The following SLC9A4 variants were observed in gnomAD, a reference collection of about 807,000 sequenced individuals.
SLC9A4 encodes solute carrier family 9 member A4.
Under a neutral mutation model 67.4 loss-of-function variants are expected in SLC9A4, and 63 were observed. The ratio of observed to expected loss-of-function variants is 0.93; its 90% CI spans 0.76 to 1.15. The LOEUF is 1.15. SLC9A4 is among the 50% of genes most tolerant of loss of function. The pLI is 0.00. For missense variants in SLC9A4, 1,089 were observed against 987.7 expected (o/e 1.10, Z -1.38); for synonymous variants, 393 against 367.2 (o/e 1.07, Z -0.80).
chr2:102,474,094 G>A, intron 1 of SLC9A4, 79 bp downstream of exon 1: 1 of 1,500,520 alleles, frequency 6.7e-7, no homozygotes, highest in Non-Finnish European at 9.0e-7. Context: ...ATAGATAACG[G>A]GCTAAGAGGA....
intron 1 of SLC9A4, among the ~76,000 whole-genome samples, chr2:102,475,982 G>T (rs1468790): frequency 1.2e-4 from 18 of 151,940 alleles, no homozygotes; most frequent in Admixed American, 3.3e-4. Flanking sequence ...ATTCCATCAA[G>T]GTACATTTTC....
rs140584193 is a variant in SLC9A4, at chr2:102,485,251, C to A, written c.720+5949C>A. Among the ~76,000 whole-genome samples, 1,439 of 152,266 alleles carry A rather than the reference C, an allele frequency of 9.5e-3. 19 individuals are homozygous for A. The highest frequency in any genetic ancestry group is 0.033 in the African/African-American group (1,364 of 41,534). On this transcript the variant is annotated intron_variant, in intron 2 of 11. Transcript: ENST00000295269. ...TTCTCATAGAAGTCATTTATCTATT[C>A]ATTCACTAGAGTTTATTCTATGCAG...
At chr2:102,515,631 G>A (rs890885972) in intron 8 of SLC9A4, among the ~76,000 whole-genome samples, 1 of 151,678 alleles carries the variant, frequency 6.6e-6, no homozygotes, top group African/African-American at 2.4e-5. Context: ...CAGGCATATC[G>A]ATCCTCTATT....
Position 102,500,339 on chromosome 2 carries a change from CA to C in SLC9A4, c.721-3108del, listed in dbSNP as rs1459666238. Among the ~76,000 whole-genome samples, 8 of 152,214 alleles carry C rather than the reference CA, an allele frequency of 5.3e-5. No individual in the cohort carries two copies. The South Asian group carries it at 1.0e-3, about 20-fold the overall frequency. On this transcript the variant is annotated intron_variant, in intron 2 of 11. Transcript: ENST00000295269. ...TTCAGGGGGCGCGTAGCACTGCCGA[CA>C]TCTCGAGTCCAGACTCTTAGTCTCC...
chr2:102,485,687 C>T (rs1001449471), intron 2 of SLC9A4, among the ~76,000 whole-genome samples: 6 of 152,118 alleles, frequency 3.9e-5, no homozygotes, highest in African/African-American at 9.7e-5. Context: ...AATGATGAGG[C>T]GGCAAGCAGT....
chr2:102,484,801 T>C (rs1684551222), intron 2 of SLC9A4, among the ~76,000 whole-genome samples: 1 of 152,084 alleles, frequency 6.6e-6, no homozygotes, highest in Admixed American at 6.5e-5. Flanking sequence ...CAGGCCAGGG[T>C]TGAAGCTGGA....
intron 2 of SLC9A4, among the ~76,000 whole-genome samples, chr2:102,480,875 G>A (rs1475553954): frequency 2.0e-5 from 3 of 152,116 alleles, no homozygotes; most frequent in African/African-American, 4.8e-5. Context: ...CACATGCCCC[G>A]CAGGACCACA....
intron 11 of SLC9A4, among the ~76,000 whole-genome samples, chr2:102,532,083 T>A (rs1674788369): frequency 6.6e-6 from 1 of 152,220 alleles, no homozygotes; most frequent in Non-Finnish European, 1.5e-5. Flanking sequence ...CTGGGGAGAC[T>A]GGCTTGATAC....
rs530101066 is a variant in SLC9A4 at position 102,484,527 on chromosome 2, T to C, written c.720+5225T>C. Among the ~76,000 whole-genome samples, 64 of 152,264 alleles carry C rather than the reference T, an allele frequency of 4.2e-4. No individual in the cohort carries two copies. In the Middle Eastern group the frequency reaches 0.01, roughly 24 times the overall value. ...AGCAGAGTGAATGCCCAACCTGGAG[T>C]AAGCACTCAATGAATGCTGGCCATG... On this transcript the variant is annotated intron_variant, in intron 2 of 11. Transcript: ENST00000295269.
At position 102,525,098 on chromosome 2, in the gene SLC9A4, C is replaced by A. The variant is rs1333749705; in HGVS notation, c.1893C>A (p.Arg631=). Residue 631 remains arginine (R), a synonymous_variant, in exon 10 of 12, where the codon CGC becomes CGA. Transcript: ENST00000295269. ...EKQAKEILIR[R]QNTLRESMRK... is the part of the protein sequence containing the mutation. ...AGGCTAAAGAGATTCTGATCCGCCG[C>A]CAGAACACCTTAAGGGAGAGCATGA... 1.2e-6 allele frequency: 2 copies of A among 1,614,050 alleles called. No individual in the cohort carries two copies. Among genetic ancestry groups the A allele is most frequent in the Admixed American group, 3.3e-5 (2 of 60,014 alleles).
Position 102,526,294 on chromosome 2 carries a change from C to T in SLC9A4, c.1986C>T (p.Pro662=), listed in dbSNP as rs904294997. The T allele has an allele frequency of 6.2e-7, 1 of 1,613,900 alleles. No homozygotes were observed. The highest frequency in any genetic ancestry group is 8.5e-7 in the Non-Finnish European group (1 of 1,179,850). The stretch of plus-strand genomic sequence containing the variant: ...AGAATATCCGCTACCTCTCCTACCC[C>T]TACGGGAATCCTCAGTCTGCAGGAA... ...GTKNIRYLSY[P]YGNPQSAGRD... Residue 662 remains proline (P), a synonymous_variant, in exon 11 of 12, where the codon CCC becomes CCT. Transcript: ENST00000295269.
At chr2:102,519,479 A>T (rs4851611) in intron 8 of SLC9A4, among the ~76,000 whole-genome samples, 115,255 of 152,112 alleles carry the variant, frequency 0.76, 43,919 homozygotes, top group Middle Eastern at 0.81. Flanking sequence ...TTTCTGTTGC[A>T]TTTAACGGTA....
rs1221369801 is a variant in SLC9A4, at chr2:102,473,950, A to G, written c.191A>G (p.Tyr64Cys). 3 of 1,613,970 alleles carry G rather than the reference A, an allele frequency of 1.9e-6. No homozygotes were observed. Among genetic ancestry groups the G allele is most frequent in the Non-Finnish European group, 2.5e-6 (3 of 1,179,942 alleles). ...GGGATATCTGTTTTTGAACTGGATT[A>G]TGACTATGTGCAAATTCCTTATGAG... ...EEGISVFELD[Y>C]DYVQIPYEVT... Residue 64 changes from tyrosine to cysteine, a missense_variant, in exon 1 of 12, where the codon TAT becomes TGT. By Grantham distance (194) the Tyr-to-Cys change is radical (BLOSUM62 -2). Transcript: ENST00000295269.
At chr2:102,496,858 T>A (rs1487985769) in intron 2 of SLC9A4, among the ~76,000 whole-genome samples, 2 of 152,262 alleles carry the variant, frequency 1.3e-5, no homozygotes, top group Admixed American at 6.5e-5. Context: ...CATGGTGGAT[T>A]AGCATCCAAG....
In SLC9A4 at chr2:102,521,915, T is replaced by C. The variant is rs73944378; in HGVS notation, c.1818+1960T>C. On this transcript the variant is annotated intron_variant, in intron 9 of 11. Coordinates refer to ENST00000295269, the MANE Select transcript of SLC9A4 (RefSeq NM_001011552.4). Reference sequence around the variant, plus strand: ...ACTCTGGGCGACCCTAATGCACAGTTGATCCGAAACTGAGCTGGCCCTGCT... The same window carrying C: ...ACTCTGGGCGACCCTAATGCACAGTCGATCCGAAACTGAGCTGGCCCTGCT... Among the ~76,000 whole-genome samples the C allele has an allele frequency of 5.3e-3, 812 of 152,304 alleles. 16 individuals are homozygous for C. Among genetic ancestry groups the C allele is most frequent in the African/African-American group, 0.019 (778 of 41,574 alleles).
intron 8 of SLC9A4, among the ~76,000 whole-genome samples, chr2:102,514,665 T>G (rs1415874622): frequency 6.6e-6 from 1 of 152,220 alleles, no homozygotes; most frequent in Non-Finnish European, 1.5e-5. Flanking sequence ...GAGTTAACTT[T>G]CTGAGATGAT....
chr2:102,490,468 A>G (rs1376717464), intron 2 of SLC9A4, among the ~76,000 whole-genome samples: 3 of 152,152 alleles, frequency 2.0e-5, no homozygotes, highest in East Asian at 3.9e-4. Flanking sequence ...CCTCCCTAGT[A>G]TCTCTTCATT....
Position 102,532,443 on chromosome 2 carries a change from A to G in SLC9A4, c.2152A>G (p.Arg718Gly). ...QEIIPMKSLH[R>G]GRKAFSFGYQ... ...AATAATACCAATGAAGAGCCTACAC[A>G]GAGGAAGGAAGGCATTCAGCTTTGG... The change falls in exon 12 of 12, where the codon AGA (arginine) becomes GGA (glycine). Residue 718 changes from arginine (R) to glycine (G), a missense_variant. Coordinates refer to ENST00000295269, the MANE Select transcript of SLC9A4 (RefSeq NM_001011552.4). 2 of 1,614,248 alleles carry G rather than the reference A, an allele frequency of 1.2e-6. No individual in the cohort carries two copies.
chr2:102,510,224 C>T (rs185536685), intron 6 of SLC9A4, among the ~76,000 whole-genome samples: 27 of 150,652 alleles, frequency 1.8e-4, no homozygotes, highest in East Asian at 5.9e-4. Context: ...GATACAGATA[C>T]GGATACGGAT....
Sources: gnomAD v4.1 joint callset for allele counts (sites outside exome capture counted in the v4.1 genomes callset) on GRCh38, gnomAD v4.1.1 for gene constraint, MANE v1.5 for transcripts, NCBI Gene and HGNC (gene_info 2026-07-23, HGNC 2026-07-21) for gene names.